AOPEP: variants seen among roughly 807,000 people sequenced by gnomAD.
AOPEP encodes the protein aminopeptidase O.
In AOPEP, 77 loss-of-function variants were observed where a neutral mutation model predicts 98.1. That is an observed-to-expected ratio of 0.78 (90% CI 0.65 to 0.95). AOPEP has a LOEUF of 0.95. Among genes scored for constraint, AOPEP ranks in the 40% least tolerant of loss-of-function variants. AOPEP has a pLI of 0.00. For synonymous variants in AOPEP, 346 were observed against 365.3 expected, an observed-to-expected ratio of 0.95 and a Z score of 0.60; for missense variants, 1,024 against 1,024.7, an observed-to-expected ratio of 1.00 and a Z score of 0.01.
rs1001953058 is a variant in AOPEP at position 94,800,827 on chromosome 9, A to T, written c.1189A>T (p.Ile397Phe). 25 of 1,614,016 alleles carry T rather than the reference A, an allele frequency of 1.5e-5. No homozygotes were observed. In the African/African-American group the frequency reaches 3.3e-4, roughly 22 times the overall value. Residue 397 changes from isoleucine (I) to phenylalanine (F), a missense_variant, in exon 5 of 17, where the codon ATC becomes TTC. This residue lies in a region of AOPEP where 566 missense variants were observed against 551.7 expected (regional missense o/e 1.03). Transcript: ENST00000375315. ...GAATGCTTCTGCCACCACCCAGGAG[A>T]TCATTCCTCATCGGGTCTTTGCCCC... ...FQNASATTQE[I>F]IPHRVFAPVC...
the AOPEP span, chr9:95,113,765 G>A: frequency 6.6e-6 from 1 of 151,976 alleles, no homozygotes; most frequent in Non-Finnish European, 1.5e-5. Flanking sequence ...TGGGACTACA[G>A]GCACCCGCCA....
chr9:95,031,144 A>T (rs1306439889), intron 13 of AOPEP, among the ~76,000 whole-genome samples: 1 of 152,216 alleles, frequency 6.6e-6, no homozygotes, highest in African/African-American at 2.4e-5. Context: ...ATGCACCCCC[A>T]CATGACATGA....
At chr9:94,921,476 T>A (rs533774479) in intron 5 of AOPEP, 36 of 152,364 alleles carry the variant, frequency 2.4e-4, no homozygotes, top group South Asian at 8.3e-4. Flanking sequence ...TCACTCACTG[T>A]TGAAGAAAAG....
At chr9:94,960,376 A>G (rs1589085103) in intron 9 of AOPEP, among the ~76,000 whole-genome samples, 1 of 150,884 alleles carries the variant, frequency 6.6e-6, no homozygotes, top group Non-Finnish European at 1.5e-5. Flanking sequence ...ACGCCACTGC[A>G]CTCCAGCCTG....
Position 95,082,568 on chromosome 9 carries a change from C to T in AOPEP, c.2320-7C>T. 1.9e-6 allele frequency: 3 copies of T among 1,613,940 alleles called. No individual in the cohort carries two copies. The highest frequency in any genetic ancestry group is 2.5e-6 in the Non-Finnish European group (3 of 1,179,962). ...GCCTGATGCCCTTTGGCCTCTGTGC[C>T]CTGCAGGCCATGGGTGTGTACCTCT... On this transcript the variant is annotated splice_polypyrimidine_tract_variant and splice_region_variant and intron_variant, in intron 15 of 16. Transcript: ENST00000375315.
chr9:94,877,798 G>A (rs569179108), intron 5 of AOPEP, among the ~76,000 whole-genome samples: 2 of 152,296 alleles, frequency 1.3e-5, no homozygotes, highest in East Asian at 1.9e-4. Context: ...TCTCAAGTGC[G>A]TGATGTCTAG....
In AOPEP at chr9:94,840,743, A is replaced by AT. The variant is rs557911325; in HGVS notation, c.1364+39751dup. Among the ~76,000 whole-genome samples the AT allele has an allele frequency of 2.2e-3, 329 of 146,944 alleles. 4 individuals carry two copies. Among genetic ancestry groups the AT allele is most frequent in the South Asian group, 9.7e-3 (45 of 4,658 alleles). On this transcript the variant is annotated intron_variant, in intron 5 of 16. Coordinates refer to ENST00000375315, the MANE Select transcript of AOPEP (RefSeq NM_001193329.3). ...TTTTGGAAGTTTATAGTATTCATGC[A>AT]TTTTTTTTTTAATCTAAGTTGTTGA...
chr9:95,148,674 A>C, the AOPEP span, among the ~76,000 whole-genome samples: 1 of 152,202 alleles, frequency 6.6e-6, no homozygotes. Context: ...TAACTCAATG[A>C]ATGAAGATTT....
chr9:94,971,422 T>C (rs1307494600), intron 10 of AOPEP, among the ~76,000 whole-genome samples: 1 of 152,226 alleles, frequency 6.6e-6, no homozygotes, highest in Non-Finnish European at 1.5e-5. Flanking sequence ...GCCTGCTAAC[T>C]AATCTCAGAA....
At chr9:94,730,793 T>G (rs1830340192) in intron 1 of AOPEP, among the ~76,000 whole-genome samples, 1 of 152,216 alleles carries the variant, frequency 6.6e-6, no homozygotes, top group Non-Finnish European at 1.5e-5. Context: ...TGTGTAGTCA[T>G]CATCACAGTG....
chr9:95,085,194 G>A (rs759096072), intron 16 of AOPEP: 13 of 482,312 alleles, frequency 2.7e-5, no homozygotes, highest in South Asian at 3.0e-5. Flanking sequence ...CAGACAGCAC[G>A]GGGTGGCGCT....
chr9:94,833,231 C>A (rs1160304053), intron 5 of AOPEP, among the ~76,000 whole-genome samples: 1 of 115,556 alleles, frequency 8.7e-6, no homozygotes, highest in Non-Finnish European at 1.7e-5. Flanking sequence ...CCACCACACC[C>A]GTCCTTTTTT....
intron 10 of AOPEP, among the ~76,000 whole-genome samples, chr9:94,977,542 CT>C (rs2138633331): frequency 1.3e-5 from 2 of 152,318 alleles, no homozygotes; most frequent in African/African-American, 4.8e-5. Context: ...GAACAATGAC[CT>C]CATAGAAGGT....
At chr9:94,946,142 G>A (rs1172374589) in intron 7 of AOPEP, among the ~76,000 whole-genome samples, 1 of 152,150 alleles carries the variant, frequency 6.6e-6, no homozygotes, top group Non-Finnish European at 1.5e-5. Context: ...ATACAATTCA[G>A]TTAAGCTTCC....
chr9:94,810,892 T>C (rs1850424826), intron 5 of AOPEP, among the ~76,000 whole-genome samples: 1 of 152,182 alleles, frequency 6.6e-6, no homozygotes, highest in East Asian at 1.9e-4. Context: ...GCCTCTGTTT[T>C]GTGTGTCATC....
intron 1 of AOPEP, among the ~76,000 whole-genome samples, chr9:94,742,103 T>C (rs1007230228): frequency 2.6e-5 from 4 of 152,196 alleles, no homozygotes. Flanking sequence ...AGAAGGTGGT[T>C]GTGTAATAGT....
At chr9:95,148,702 T>C in the AOPEP span, among the ~76,000 whole-genome samples, 1 of 152,244 alleles carries the variant, frequency 6.6e-6, no homozygotes, top group Non-Finnish European at 1.5e-5. Context: ...GAACCATGCA[T>C]AATGCTACAA....
chr9:95,042,205 G>A (rs1196989304), intron 13 of AOPEP, among the ~76,000 whole-genome samples: 3 of 152,098 alleles, frequency 2.0e-5, no homozygotes, highest in East Asian at 1.9e-4. Flanking sequence ...CCAGCTACTC[G>A]GGAGGCTGAG....
Position 94,972,122 on chromosome 9 carries a change from C to T in AOPEP, c.1916+4321C>T, listed in dbSNP as rs1211606254. On this transcript the variant is annotated intron_variant, in intron 10 of 16. Coordinates refer to ENST00000375315, the MANE Select transcript of AOPEP (RefSeq NM_001193329.3). The surrounding 1 kb of genome is among the most constrained non-coding windows in gnomAD (Gnocchi z 4.2). ...GTGGAGCTATGGCAGGGACGGTGAC[C>T]GTGGTGGTGGGTTTGAGAGTAAATA... Among the ~76,000 whole-genome samples, 2 of 152,096 alleles carry T rather than the reference C, an allele frequency of 1.3e-5. No homozygotes were observed. The highest frequency in any genetic ancestry group is 4.8e-5 in the African/African-American group (2 of 41,414).
Sources: allele counts gnomAD v4.1 joint callset (sites outside exome capture counted in the v4.1 genomes callset), GRCh38; gene constraint gnomAD v4.1.1; regional missense constraint gnomAD v4.1.1; non-coding constraint Gnocchi (gnomAD v3.1); transcripts MANE v1.5; gene names NCBI Gene and HGNC (gene_info 2026-07-23, HGNC 2026-07-21).